Variants in ELMO1 observed in about 807,000 individuals in gnomAD.
ELMO1 encodes the protein engulfment and cell motility 1.
Under a neutral mutation model 98.9 loss-of-function variants are expected in ELMO1, and 26 were observed. The ratio of observed to expected loss-of-function variants is 0.26; its 90% CI spans 0.19 to 0.36. ELMO1 has a LOEUF of 0.36. ELMO1 is among the 10% of genes least tolerant of loss of function. The probability of loss-of-function intolerance (pLI) is 1.00; values close to 1 mark genes in which losing one functional copy is unlikely to be tolerated. For synonymous variants in ELMO1, 346 were observed against 346.0 expected, an observed-to-expected ratio of 1.00 and a Z score of 0.00; for missense variants, 627 against 935.2, an observed-to-expected ratio of 0.67 and a Z score of 4.30.
intron 12 of ELMO1, among the ~76,000 whole-genome samples, chr7:37,211,820 A>G (rs1317357961): frequency 6.6e-6 from 1 of 152,214 alleles, no homozygotes. Context: ...ATATGATGGA[A>G]GGGTCGTGAT....
intron 1 of ELMO1, among the ~76,000 whole-genome samples, chr7:37,418,647 G>A (rs1458138907): frequency 1.3e-5 from 2 of 152,294 alleles, no homozygotes; most frequent in South Asian, 2.1e-4. Context: ...ATGCGTCAGA[G>A]TCAGCTCAGA....
intron 7 of ELMO1, among the ~76,000 whole-genome samples, chr7:37,237,396 T>C (rs985422244): frequency 6.6e-6 from 1 of 152,118 alleles, no homozygotes; most frequent in Non-Finnish European, 1.5e-5. Context: ...TTGAAGCGAT[T>C]CTCCTGCCTC....
rs558126878 is a variant in ELMO1, at chr7:37,056,732, C to T, written c.1300+39887G>A. 3.3e-5 allele frequency among the ~76,000 whole-genome samples: 5 copies of T among 152,194 alleles called. No homozygotes were observed. In the East Asian group the frequency reaches 9.6e-4, roughly 29 times the overall value. ...CCTATTTCATCCTTGTGTGAGTGTG[C>T]ATGTGATGGTGGGGAGGGCAGGGGG... On this transcript the variant is annotated intron_variant, in intron 15 of 21. Coordinates refer to ENST00000310758, the MANE Select transcript of ELMO1 (RefSeq NM_014800.11).
intron 13 of ELMO1, among the ~76,000 whole-genome samples, chr7:37,176,494 T>C (rs1172780324): frequency 1.3e-5 from 2 of 152,148 alleles, no homozygotes; most frequent in Non-Finnish European, 2.9e-5. Flanking sequence ...CAATATAATA[T>C]TGCTTACAAA....
At chr7:37,089,951 G>A (rs1783985565) in intron 15 of ELMO1, among the ~76,000 whole-genome samples, 1 of 152,136 alleles carries the variant, frequency 6.6e-6, no homozygotes, top group South Asian at 2.1e-4. Flanking sequence ...CCATGGCTGG[G>A]CTAGGCACAG....
chr7:37,178,055 A>G (rs536325484), intron 13 of ELMO1, among the ~76,000 whole-genome samples: 1 of 151,928 alleles, frequency 6.6e-6, no homozygotes, highest in South Asian at 2.1e-4. Context: ...CTGGTGAAGC[A>G]TTATCTCGGT....
rs140961098 is a variant in ELMO1 at position 37,417,722 on chromosome 7, G to C, written c.-74+30953C>G. Among the ~76,000 whole-genome samples the C allele has an allele frequency of 8.6e-5, 13 of 151,282 alleles. No individual in the cohort carries two copies. In the East Asian group the frequency reaches 2.5e-3, roughly 29 times the overall value. ...CTGGGTGTGGTGGCACACACCTGTA[G>C]TCCCAGCTACTCGGGAGGCTGAGGC... On this transcript the variant is annotated intron_variant, in intron 1 of 21. Transcript: ENST00000310758.
chr7:37,017,175 G>T (rs1327546002), intron 15 of ELMO1, among the ~76,000 whole-genome samples: 1 of 152,186 alleles, frequency 6.6e-6, no homozygotes, highest in Non-Finnish European at 1.5e-5. Context: ...TCTGGGCAAA[G>T]CTGCACTCTC....
intron 6 of ELMO1, among the ~76,000 whole-genome samples, chr7:37,250,383 T>G (rs147165213): frequency 2.0e-5 from 3 of 152,164 alleles, no homozygotes; most frequent in African/African-American, 4.8e-5. Flanking sequence ...TAAAAGAATA[T>G]ATAAAAAACG....
At chr7:37,077,388 T>C (rs1418411261) in intron 15 of ELMO1, among the ~76,000 whole-genome samples, 1 of 151,844 alleles carries the variant, frequency 6.6e-6, no homozygotes, top group Non-Finnish European at 1.5e-5. Context: ...TGGCCCAGGG[T>C]GAAGAGGAAG....
At chr7:37,339,714 G>A (rs1426060860) in intron 2 of ELMO1, among the ~76,000 whole-genome samples, 1 of 151,970 alleles carries the variant, frequency 6.6e-6, no homozygotes, top group Non-Finnish European at 1.5e-5. Flanking sequence ...CAACTGCAGG[G>A]CAATTAGGAA....
chr7:37,416,669 T>A (rs1364370888), intron 1 of ELMO1, among the ~76,000 whole-genome samples: 1 of 152,226 alleles, frequency 6.6e-6, no homozygotes, highest in African/African-American at 2.4e-5. Context: ...TGCATTTGCT[T>A]ACAATTTGAA....
Position 37,342,402 on chromosome 7 carries a change from G to C in ELMO1, c.78+211C>G, listed in dbSNP as rs1800764059. ...TAGCTTCAGACACAAATCCTGTATT[G>C]ACACAATCCAAGTGGATGCTGGAAG... is the stretch of plus-strand genomic sequence containing the variant. On this transcript the variant is annotated intron_variant, in intron 2 of 21. Coordinates refer to ENST00000310758, the MANE Select transcript of ELMO1 (RefSeq NM_014800.11). The surrounding 1 kb of genome is among the most constrained non-coding windows in gnomAD (Gnocchi z 4.3). Among the ~76,000 whole-genome samples, 1 of 152,116 alleles carries C rather than the reference G, an allele frequency of 6.6e-6. No homozygotes were observed. The highest frequency in any genetic ancestry group is 2.1e-4 in the South Asian group (1 of 4,832).
intron 2 of ELMO1, among the ~76,000 whole-genome samples, chr7:37,324,459 T>TG (rs34121935): frequency 8.2e-4 from 125 of 152,302 alleles, no homozygotes; most frequent in African/African-American, 2.8e-3. Flanking sequence ...TCTAATGACA[T>TG]GGGGAAAATG....
chr7:37,420,840 G>A (rs1804443265), intron 1 of ELMO1, among the ~76,000 whole-genome samples: 1 of 152,202 alleles, frequency 6.6e-6, no homozygotes, highest in Non-Finnish European at 1.5e-5. Context: ...AGCCACACGT[G>A]ACCTGTCCAT....
At chr7:37,092,344 TG>T (rs1188786389) in intron 15 of ELMO1, among the ~76,000 whole-genome samples, 1 of 147,730 alleles carries the variant, frequency 6.8e-6, no homozygotes, top group Middle Eastern at 3.2e-3. Context: ...TTCTATCACT[TG>T]CAAAAAAAAT....
chr7:36,927,794 G>A (rs1785702671), intron 16 of ELMO1, among the ~76,000 whole-genome samples: 1 of 152,236 alleles, frequency 6.6e-6, no homozygotes, highest in Admixed American at 6.5e-5. Context: ...GTATGAATGA[G>A]TGACAGGGGC....
intron 1 of ELMO1, among the ~76,000 whole-genome samples, chr7:37,411,699 C>T (rs1804001078): frequency 6.6e-6 from 1 of 152,174 alleles, no homozygotes; most frequent in Non-Finnish European, 1.5e-5. Flanking sequence ...ATTCATATGA[C>T]TAATGAGCAT....
At chr7:36,913,271 ATC>A (rs1299294419) in intron 16 of ELMO1, among the ~76,000 whole-genome samples, 4 of 152,214 alleles carry the variant, frequency 2.6e-5, no homozygotes, top group Non-Finnish European at 5.9e-5. Context: ...ACATCTCTGT[ATC>A]TGTTTGGGGA....
Sources: allele counts gnomAD v4.1 joint callset (sites outside exome capture counted in the v4.1 genomes callset), GRCh38; gene constraint gnomAD v4.1.1; non-coding constraint Gnocchi (gnomAD v3.1); transcripts MANE v1.5; gene names NCBI Gene and HGNC (gene_info 2026-07-23, HGNC 2026-07-21).